The following PIWIL1 variants were observed in gnomAD, a reference collection of about 807,000 sequenced individuals.
PIWIL1 encodes the protein piwi like RNA-mediated gene silencing 1.
Under a neutral mutation model 114.4 loss-of-function variants are expected in PIWIL1, and 73 were observed. That is an observed-to-expected ratio of 0.64 (90% CI 0.53 to 0.78). The LOEUF (loss-of-function observed/expected upper bound fraction) is 0.78, where lower values mean the gene tolerates loss of function less well. Ranked by LOEUF, PIWIL1 falls within the 30% of genes least tolerant of loss-of-function variation. The probability of loss-of-function intolerance (pLI) is 0.00; values close to 1 mark genes in which losing one functional copy is unlikely to be tolerated. For synonymous variants in PIWIL1, 375 were observed against 369.0 expected, an observed-to-expected ratio of 1.02 and a Z score of -0.19; for missense variants, 723 against 1,063.1, an observed-to-expected ratio of 0.68 and a Z score of 4.45.
At chr12:130,399,802 A>G in the PIWIL1 span, 534,795 of 1,613,280 alleles carry the variant, frequency 0.33, 92,164 homozygotes, top group Non-Finnish European at 0.36. Context: ...CTTTCTGCCC[A>G]TTCAGCTCCC....
Position 130,345,744 on chromosome 12 carries a change from T to A in PIWIL1, c.191-9T>A. On this transcript the variant is annotated splice_polypyrimidine_tract_variant and intron_variant, in intron 3 of 20. Transcript: ENST00000245255. ...TTTATGTTGCTCAAGTACACAATTT[T>A]TTTTTAAGGACTCCAGATATCTGCT... 1 of 1,613,682 alleles carries A rather than the reference T, an allele frequency of 6.2e-7. No individual in the cohort carries two copies. The highest frequency in any genetic ancestry group is 8.5e-7 in the Non-Finnish European group (1 of 1,179,842).
chr12:130,386,086 T>G, the PIWIL1 span, among the ~76,000 whole-genome samples: 1 of 152,194 alleles, frequency 6.6e-6, no homozygotes, highest in Non-Finnish European at 1.5e-5. Flanking sequence ...TGCTGTGGTT[T>G]GGGAATGTTG....
At chr12:130,385,576 G>A in the PIWIL1 span, among the ~76,000 whole-genome samples, 1 of 152,250 alleles carries the variant, frequency 6.6e-6, no homozygotes, top group Admixed American at 6.5e-5. Flanking sequence ...CTATGTGAAC[G>A]GCTTATAGAT....
intron 14 of PIWIL1, among the ~76,000 whole-genome samples, chr12:130,359,071 A>G (rs1328296620): frequency 1.3e-5 from 2 of 151,242 alleles, no homozygotes; most frequent in South Asian, 4.2e-4. Flanking sequence ...CTTCTCTAAC[A>G]CTCCTCCCAC....
Position 130,346,977 on chromosome 12 carries a change from G to T in PIWIL1, c.568G>T (p.Asp190Tyr). The T allele has an allele frequency of 6.2e-7, 1 of 1,613,770 alleles. No homozygotes were observed. Among genetic ancestry groups the T allele is most frequent in the Non-Finnish European group, 8.5e-7 (1 of 1,179,740 alleles). The change falls in exon 6 of 21, where the codon GAT (aspartate) becomes TAT (tyrosine). Residue 190 changes from aspartate to tyrosine, a missense_variant. By Grantham distance (160) the Asp-to-Tyr change is radical. Coordinates refer to ENST00000245255, the MANE Select transcript of PIWIL1 (RefSeq NM_004764.5). ...TTTTAGTAAGACCCGGAATGGAGAGGATGTGAGGATAACGATCACTTTAAC... is the reference window on the plus strand; with the variant it reads ...TTTTAGTAAGACCCGGAATGGAGAGTATGTGAGGATAACGATCACTTTAAC... ...EVFSKTRNGE[D>Y]VRITITLTNE...
At chr12:130,424,435 C>T in the PIWIL1 span, 4 of 1,232,700 alleles carry the variant, frequency 3.2e-6, no homozygotes, top group Non-Finnish European at 4.0e-6. The surrounding 1 kb of genome is among the most constrained non-coding windows in gnomAD (Gnocchi z 9.8). Flanking sequence ...GGACAGTGAC[C>T]AGGGCCTGGG....
chr12:130,350,151 G>A (rs1284688492), intron 9 of PIWIL1, among the ~76,000 whole-genome samples, 184 bp downstream of exon 9: 1 of 152,186 alleles, frequency 6.6e-6, no homozygotes, highest in Non-Finnish European at 1.5e-5. Context: ...ATTTGGTACA[G>A]TTCACATAAT....
At chr12:130,377,732 G>T in the PIWIL1 span, among the ~76,000 whole-genome samples, 1 of 152,224 alleles carries the variant, frequency 6.6e-6, no homozygotes, top group Non-Finnish European at 1.5e-5. Flanking sequence ...GAGCCCTTTG[G>T]TGTGGCCCTG....
At chr12:130,402,757 C>T in the PIWIL1 span, among the ~76,000 whole-genome samples, 1 of 152,108 alleles carries the variant, frequency 6.6e-6, no homozygotes, top group African/African-American at 2.4e-5. Flanking sequence ...CTCTGTGCCC[C>T]AGTCAGTGAG....
At chr12:130,420,187 C>A in the PIWIL1 span, among the ~76,000 whole-genome samples, 2 of 152,206 alleles carry the variant, frequency 1.3e-5, no homozygotes, top group Non-Finnish European at 2.9e-5. This position sits in a 1 kb window ranked among gnomAD's most constrained non-coding sequence, Gnocchi z 4.3. Flanking sequence ...TCCTCCTCCT[C>A]CTCAGGTGGG....
chr12:130,346,172 C>A (rs890655211), intron 4 of PIWIL1, among the ~76,000 whole-genome samples, 198 bp from the exon 5 acceptor site: 2 of 152,128 alleles, frequency 1.3e-5, no homozygotes, highest in African/African-American at 4.8e-5. Flanking sequence ...AGATTTGTTT[C>A]TAAATGTATG....
intron 19 of PIWIL1, among the ~76,000 whole-genome samples, chr12:130,368,135 C>G (rs2073720664): frequency 6.6e-6 from 1 of 152,078 alleles, no homozygotes; most frequent in African/African-American, 2.4e-5. Context: ...CTCAAAAACC[C>G]TTTTGTGTGA....
chr12:130,379,316 A>T, the PIWIL1 span, among the ~76,000 whole-genome samples: 6 of 152,168 alleles, frequency 3.9e-5, no homozygotes, highest in African/African-American at 1.4e-4. Context: ...AATTGTACAA[A>T]TTTTTTTCTT....
At chr12:130,424,330 C>G in the PIWIL1 span, 1 of 1,232,004 alleles carries the variant, frequency 8.1e-7, no homozygotes, top group Non-Finnish European at 1.0e-6. The surrounding 1 kb of genome is among the most constrained non-coding windows in gnomAD (Gnocchi z 9.8). Flanking sequence ...AGGAGGCCAC[C>G]AGGGCCCACC....
In PIWIL1 at chr12:130,371,505, T is replaced by C. The variant is rs1265887806; in HGVS notation, c.2493T>C (p.Pro831=). The part of the protein sequence containing the change: ...NWPGVIRVPA[P]CQYAHKLAFL... ...AGGGTGTCATTCGTGTTCCTGCTCC[T>C]TGCCAGTACGCCCACAAGCTGGCTT... The change falls in exon 21 of 21, where the codon CCT becomes CCC. Residue 831 remains proline, a synonymous_variant. Transcript: ENST00000245255. 1 of 1,614,240 alleles carries C rather than the reference T, an allele frequency of 6.2e-7. No homozygotes were observed. Among genetic ancestry groups the C allele is most frequent in the East Asian group, 2.2e-5 (1 of 44,888 alleles).
the PIWIL1 span, chr12:130,424,130 T>C: frequency 8.2e-7 from 1 of 1,220,086 alleles, no homozygotes; most frequent in East Asian, 3.2e-5. The surrounding 1 kb of genome is among the most constrained non-coding windows in gnomAD (Gnocchi z 9.8). Flanking sequence ...AAAGGAAGTT[T>C]AGGTCACACA....
the PIWIL1 span, among the ~76,000 whole-genome samples, chr12:130,379,451 AGC>A: frequency 7.9e-6 from 1 of 127,334 alleles, no homozygotes; most frequent in East Asian, 2.4e-4. Flanking sequence ...TTCCCATCCA[AGC>A]ATTGACAGTT....
chr12:130,395,060 C>T, the PIWIL1 span, among the ~76,000 whole-genome samples: 9 of 152,002 alleles, frequency 5.9e-5, no homozygotes, highest in South Asian at 2.1e-4. Flanking sequence ...TGTGGGGAGG[C>T]GCTCATGGGT....
At chr12:130,401,485 G>A in the PIWIL1 span, among the ~76,000 whole-genome samples, 1 of 151,828 alleles carries the variant, frequency 6.6e-6, no homozygotes, top group Non-Finnish European at 1.5e-5. Flanking sequence ...CATACTTCCT[G>A]CATCTTCCTG....
Sources: gnomAD v4.1 joint callset for allele counts (sites outside exome capture counted in the v4.1 genomes callset) on GRCh38, gnomAD v4.1.1 for gene constraint, Gnocchi (gnomAD v3.1) non-coding constraint, MANE v1.5 for transcripts, NCBI Gene and HGNC (gene_info 2026-07-23, HGNC 2026-07-21) for gene names.